Variants in LNX2 observed in about 807,000 individuals in gnomAD.
The protein encoded by LNX2 is ligand of Numb protein X 2.
LNX2 carries 35 observed loss-of-function variants against 66.2 expected under a neutral mutation model. That is an observed-to-expected ratio of 0.53 (90% CI 0.40 to 0.70). The LOEUF (loss-of-function observed/expected upper bound fraction) is 0.70, where lower values mean the gene tolerates loss of function less well. Ranked by LOEUF, LNX2 falls within the 30% of genes least tolerant of loss-of-function variation. The pLI is 0.00. For missense variants in LNX2, 791 were observed against 850.8 expected, an observed-to-expected ratio of 0.93 and a Z score of 0.87; for synonymous variants, 337 against 315.6, an observed-to-expected ratio of 1.07 and a Z score of -0.72.
At chr13:27,606,647 A>T (rs1955720411) in intron 1 of LNX2, among the ~76,000 whole-genome samples, 1 of 152,238 alleles carries the variant, frequency 6.6e-6, no homozygotes, top group South Asian at 2.1e-4. Flanking sequence ...GTTTATACAC[A>T]CAAAATATGC....
At chr13:27,576,581 T>C (rs1461671475) in intron 2 of LNX2, among the ~76,000 whole-genome samples, 2 of 149,274 alleles carry the variant, frequency 1.3e-5, no homozygotes, top group East Asian at 1.9e-4. Flanking sequence ...AAAAAATTAG[T>C]TGGGCATGGT....
chr13:27,567,587 T>C (rs535286203), intron 4 of LNX2, 53 bp downstream of exon 4: 4 of 1,468,408 alleles, frequency 2.7e-6, no homozygotes, highest in African/African-American at 1.4e-5. Flanking sequence ...AAGGTTTAAG[T>C]GTTAAGAATG....
chr13:27,585,175 C>T (rs1367338693), intron 1 of LNX2, among the ~76,000 whole-genome samples: 2 of 151,478 alleles, frequency 1.3e-5, no homozygotes, highest in African/African-American at 2.4e-5. Context: ...CCTGTAATCC[C>T]AGCACTTTGG....
chr13:27,609,846 T>C (rs1447125055), intron 1 of LNX2, among the ~76,000 whole-genome samples: 2 of 152,206 alleles, frequency 1.3e-5, no homozygotes, highest in Non-Finnish European at 2.9e-5. Flanking sequence ...AATGTTATCA[T>C]ACTCCATTAA....
chr13:27,548,411 G>A lies in LNX2; in HGVS notation c.1997C>T (p.Ala666Val). The change falls in exon 10 of 10, where the codon GCA (alanine) becomes GTA (valine). Residue 666 changes from alanine (A) to valine (V), a missense_variant. Physicochemically the swap from Ala to Val is moderately conservative, Grantham distance 64. Coordinates refer to ENST00000316334, the MANE Select transcript of LNX2 (RefSeq NM_153371.4). ...CTGCTCCTTCAACATGGGAACTAGT[G>A]CAGAGTGGCTCATGCCCACGGTTGA... ...GLSTVGMSHS[A>V]LVPMLKEQRN... is the part of the protein sequence containing the mutation. 1 of 1,614,132 alleles carries A rather than the reference G, an allele frequency of 6.2e-7. No homozygotes were observed. The highest frequency in any genetic ancestry group is 8.5e-7 in the Non-Finnish European group (1 of 1,179,972).
At chr13:27,558,295 A>C (rs1955087757) in intron 6 of LNX2, among the ~76,000 whole-genome samples, 1 of 151,578 alleles carries the variant, frequency 6.6e-6, no homozygotes, top group Non-Finnish European at 1.5e-5. Flanking sequence ...TTCCATTTCA[A>C]GTGGTTTTTC....
rs1440045292 is a variant in LNX2 at position 27,620,343 on chromosome 13, CGCAGCGAGGCGG to C, written c.-101+20_-101+31del. On this transcript the variant is annotated intron_variant, in intron 1 of 9. Transcript: ENST00000316334. ...GCTGCCCGCAGCCAGCGAGAGGGCG[CGCAGCGAGGCGG>C]GCAGGGCAAAGTTACTCACTGGGAA... The C allele has an allele frequency of 2.6e-5, 4 of 152,302 alleles. No homozygotes were observed. The highest frequency in any genetic ancestry group is 5.9e-5 in the Non-Finnish European group (4 of 68,060). The allele number at this position is 152,302 out of a possible 1,614,324, so 9.4% of individuals were successfully genotyped here.
chr13:27,570,907 C>T (rs920909728), intron 2 of LNX2, among the ~76,000 whole-genome samples: 45 of 152,154 alleles, frequency 3.0e-4, no homozygotes, highest in Admixed American at 1.6e-3. Context: ...CCTTCACAAA[C>T]GAAATATGTA....
intron 1 of LNX2, among the ~76,000 whole-genome samples, chr13:27,588,021 C>CCAAAAAAAAAAA (rs1955509486): frequency 7.5e-5 from 7 of 93,516 alleles, no homozygotes; most frequent in African/African-American, 2.7e-4. Flanking sequence ...ACTCTTGTCA[C>CCAAAAAAAAAAA]AAAAAAAAAA....
intron 2 of LNX2, 66 bp from the exon 3 acceptor site, chr13:27,569,342 G>T (rs1955248806): frequency 1.8e-5 from 28 of 1,540,924 alleles, no homozygotes; most frequent in Non-Finnish European, 2.2e-5. Context: ...AAAATAGGGA[G>T]GGGGACTAAT....
At chr13:27,600,125 G>C (rs750797308) in intron 1 of LNX2, among the ~76,000 whole-genome samples, 1 of 152,168 alleles carries the variant, frequency 6.6e-6, no homozygotes, top group Non-Finnish European at 1.5e-5. Context: ...CACTGCACCA[G>C]AGGATAGGGT....
chr13:27,553,116 T>G (rs77529740), intron 8 of LNX2, 92 bp downstream of exon 8: 6 of 1,032,292 alleles, frequency 5.8e-6, no homozygotes, highest in Non-Finnish European at 8.7e-6. Flanking sequence ...CTTTTTTTTT[T>G]ATCCCAACGA....
Position 27,548,042 on chromosome 13 carries a change from C to A in LNX2, c.*293G>T. 1 of 337,846 alleles carries A rather than the reference C, an allele frequency of 3.0e-6. No individual in the cohort carries two copies. The allele number at this position is 337,846 out of a possible 1,614,324, so 20.9% of individuals were successfully genotyped here. ...CAGAAGGTCTTTACTCCATCTGGGGCACAGTTTGGGTGAGCTTTGCTCATT... is the reference window on the plus strand; with the variant it reads ...CAGAAGGTCTTTACTCCATCTGGGGAACAGTTTGGGTGAGCTTTGCTCATT... On this transcript the variant is annotated 3_prime_UTR_variant, in exon 10 of 10. Transcript: ENST00000316334.
intron 1 of LNX2, among the ~76,000 whole-genome samples, chr13:27,605,280 T>C (rs1006419177): frequency 3.3e-5 from 5 of 152,200 alleles, no homozygotes; most frequent in African/African-American, 1.2e-4. Context: ...AGATAGATAA[T>C]GCAAGCAACA....
At chr13:27,565,363 C>G (rs1245547437) in intron 4 of LNX2, among the ~76,000 whole-genome samples, 1 of 152,162 alleles carries the variant, frequency 6.6e-6, no homozygotes, top group African/African-American at 2.4e-5. Context: ...TACATTTCAG[C>G]TAAAAAGCCC....
In LNX2 at chr13:27,559,844, T is replaced by C; in HGVS notation, c.1366A>G (p.Lys456Glu). The C allele has an allele frequency of 6.4e-7, 1 of 1,553,308 alleles. No individual in the cohort carries two copies. The highest frequency in any genetic ancestry group is 8.7e-7 in the Non-Finnish European group (1 of 1,147,948). Residue 456 changes from lysine to glutamate, a missense_variant and splice_region_variant, in exon 6 of 10, where the codon AAG (lysine) becomes GAG (glutamate). Transcript: ENST00000316334. ...PPYYSRPSSH[K>E]DLTQCVTCQE... ...TAAAAAAAAAAAAAAATCCTCACCT[T>C]ATGTGAGCTTGGTCTGCTATAATAC...
chr13:27,559,757 C>T, intron 6 of LNX2, 85 bp downstream of exon 6: 1 of 1,330,660 alleles, frequency 7.5e-7, no homozygotes, highest in East Asian at 2.5e-5. Context: ...GTGTGACTGA[C>T]ACACAAAAAA....
Position 27,620,464 on chromosome 13 carries a change from G to C in LNX2, c.-190C>G, listed in dbSNP as rs565315975. ...GCTCTCCGCGGCCCGCTGAGGGAGC[G>C]GAGAGCCTGCCCGGCTCCGCTCCGC... On this transcript the variant is annotated 5_prime_UTR_variant, in exon 1 of 10. Transcript: ENST00000316334. The C allele has an allele frequency of 1.9e-3, 307 of 160,642 alleles. No homozygotes were observed. The highest frequency in any genetic ancestry group is 3.3e-3 in the Non-Finnish European group (246 of 74,496). 10.0% of individuals were successfully genotyped at this position (160,642 alleles called of 1,614,324 possible).
rs536852155 is a variant in LNX2 at position 27,549,536 on chromosome 13, A to C, written c.1937+797T>G. 1.5e-4 allele frequency among the ~76,000 whole-genome samples: 23 copies of C among 152,308 alleles called. No homozygotes were observed. The South Asian group carries it at 3.3e-3, about 22-fold the overall frequency. On this transcript the variant is annotated intron_variant, in intron 9 of 9. Transcript: ENST00000316334. ...CTAGAGCCAGATAGTCCTGGGTTTG[A>C]ATGCCAGCCAACCACTTTCAGCTAT... is the stretch of plus-strand genomic sequence containing the variant.
Sources: allele counts gnomAD v4.1 joint callset (sites outside exome capture counted in the v4.1 genomes callset), GRCh38; gene constraint gnomAD v4.1.1; transcripts MANE v1.5; gene names NCBI Gene and HGNC (gene_info 2026-07-23, HGNC 2026-07-21).